The following BCL11B variants were observed in gnomAD, a reference collection of about 807,000 sequenced individuals.
The protein encoded by BCL11B is B-cell lymphoma/leukemia 11B.
A neutral mutation model predicts 49.9 loss-of-function variants in BCL11B; 8 were observed. The observed-to-expected ratio is 0.16, with a 90% CI of 0.09 to 0.29. The LOEUF (loss-of-function observed/expected upper bound fraction) is 0.29. Ranked by LOEUF, BCL11B falls within the 10% of genes least tolerant of loss-of-function variation. The pLI is 1.00. For synonymous variants in BCL11B, 739 were observed against 637.4 expected (o/e 1.16, Z -2.40); for missense variants, 1,006 against 1,351.0 (o/e 0.74, Z 4.00).
Position 99,271,288 on chromosome 14 carries a change from A to AGCCGCCGCCGCGCC in BCL11B, c.-84_-71dup. 9.1e-7 allele frequency: 1 copy of AGCCGCCGCCGCGCC among 1,095,254 alleles called. No individual in the cohort carries two copies. The highest frequency in any genetic ancestry group is 1.2e-6 in the Non-Finnish European group (1 of 866,888). 67.8% of individuals were successfully genotyped at this position (1,095,254 alleles called of 1,614,324 possible). On this transcript the variant is annotated 5_prime_UTR_variant, in exon 1 of 4. Transcript: ENST00000357195. ...GGGGGGAGCCGGGGGAGGGGGTCCGAGCCGCCGCCGCGCCGCTGCCGCCGC... is the reference window on the plus strand; with the variant it reads ...GGGGGGAGCCGGGGGAGGGGGTCCGAGCCGCCGCCGCGCCGCCGCCGCCGCGCCGCTGCCGCCGC...
intron 3 of BCL11B, among the ~76,000 whole-genome samples, chr14:99,189,069 A>T (rs950183576): frequency 1.3e-5 from 2 of 152,246 alleles, no homozygotes; most frequent in African/African-American, 2.4e-5. Flanking sequence ...GCCGACGCAG[A>T]TGGCAAATAA....
intron 3 of BCL11B, among the ~76,000 whole-genome samples, chr14:99,208,514 A>T (rs1887598404): frequency 6.6e-6 from 1 of 152,222 alleles, no homozygotes; most frequent in Non-Finnish European, 1.5e-5. Flanking sequence ...CGCTAAAGTA[A>T]TAAAAGGGCC....
intron 2 of BCL11B, among the ~76,000 whole-genome samples, chr14:99,256,363 A>G (rs1442826466): frequency 6.6e-6 from 1 of 152,198 alleles, no homozygotes; most frequent in Non-Finnish European, 1.5e-5. Context: ...TCTAATCCTC[A>G]CACCAGGCCT....
chr14:99,206,766 T>C (rs1336065170), intron 3 of BCL11B, among the ~76,000 whole-genome samples: 1 of 152,236 alleles, frequency 6.6e-6, no homozygotes, highest in East Asian at 1.9e-4. Context: ...AACTTTATCA[T>C]AGGTATGTGT....
chr14:99,201,765 C>T (rs533292181), intron 3 of BCL11B, among the ~76,000 whole-genome samples: 1 of 152,326 alleles, frequency 6.6e-6, no homozygotes, highest in Admixed American at 6.5e-5. Flanking sequence ...ATGTCTTTGC[C>T]TCCTTCACTT....
chr14:99,187,419 G>C (rs1456367079), intron 3 of BCL11B, among the ~76,000 whole-genome samples: 1 of 152,194 alleles, frequency 6.6e-6, no homozygotes. Context: ...AGAGTCCCTT[G>C]AAATCTGCTT....
chr14:99,231,614 C>T lies in BCL11B; in HGVS notation c.428-57G>A. 1 of 1,487,882 alleles carries T rather than the reference C, an allele frequency of 6.7e-7. No homozygotes were observed. The highest frequency in any genetic ancestry group is 9.1e-7 in the Non-Finnish European group (1 of 1,095,148). 92.2% of individuals were successfully genotyped at this position (1,487,882 alleles called of 1,614,324 possible). A position where few individuals can be genotyped will look rare whatever the true frequency, so the allele number is the denominator to read the frequency against. On this transcript the variant is annotated intron_variant, in intron 2 of 3. Transcript: ENST00000357195. The surrounding 1 kb of genome is among the most constrained non-coding windows in gnomAD (Gnocchi z 8.1). ...GTCGGGCCCTGGACTGTGTGAGGGG[C>T]ACGGGGTGGGACGGGGCTCGGGGCG...
intron 3 of BCL11B, among the ~76,000 whole-genome samples, chr14:99,193,195 A>G (rs896503840): frequency 2.0e-5 from 3 of 152,196 alleles, no homozygotes; most frequent in Admixed American, 6.5e-5. Context: ...CAACTGGCTC[A>G]TCACCACTGT....
rs1566804422 is a variant in BCL11B, at chr14:99,195,769, C to T, written c.641-19574G>A. 6.6e-6 allele frequency among the ~76,000 whole-genome samples: 1 copy of T among 152,152 alleles called. No individual in the cohort carries two copies. The highest frequency in any genetic ancestry group is 1.5e-5 in the Non-Finnish European group (1 of 68,038). ...AGTGGGAGCCTCGTCCCAGTCATTC[C>T]TGTCACCCTTCACCACCCAACACCA... On this transcript the variant is annotated intron_variant, in intron 3 of 3. Coordinates refer to ENST00000357195, the MANE Select transcript of BCL11B (RefSeq NM_138576.4). This position sits in a 1 kb window ranked among gnomAD's most constrained non-coding sequence, Gnocchi z 4.7.
At chr14:99,240,225 T>C (rs1888622012) in intron 2 of BCL11B, among the ~76,000 whole-genome samples, 1 of 152,198 alleles carries the variant, frequency 6.6e-6, no homozygotes, top group South Asian at 2.1e-4. Context: ...AGAAATCAAA[T>C]TGTAAAAAGG....
chr14:99,175,923 AGCCCGGGTGGTCCCGCAGGATGGG>A lies in BCL11B; in HGVS notation c.889_912del (p.Pro297_Gly304del). ...GTGCCCGGCAGGCGGCCCTCGCCGA[AGCCCGGGTGGTCCCGCAGGATGGG>A]GCCCGTCATGCGCAGCAGGTTGAAG... On this transcript the variant is annotated inframe_deletion, in exon 4 of 4. Coordinates refer to ENST00000357195, the MANE Select transcript of BCL11B (RefSeq NM_138576.4). 6.9e-7 allele frequency: 1 copy of A among 1,446,456 alleles called. No individual in the cohort carries two copies. The highest frequency in any genetic ancestry group is 9.1e-7 in the Non-Finnish European group (1 of 1,101,676). The allele number at this position is 1,446,456 out of a possible 1,614,324, so 89.6% of individuals were successfully genotyped here.
chr14:99,199,679 T>C (rs8017457), intron 3 of BCL11B, among the ~76,000 whole-genome samples: 9,887 of 69,264 alleles, frequency 0.14, 396 homozygotes, highest in Non-Finnish European at 0.19. Context: ...TGTGTGTGTG[T>C]GTGTGCGCGC....
Position 99,192,036 on chromosome 14 carries a change from G to A in BCL11B, c.641-15841C>T, listed in dbSNP as rs949932143. Reference sequence around the variant, plus strand: ...TACATAAAAAGTACAATTAAGGGACGCTCAGAATCCCGAGGCCTTCAAGAA... The same window carrying A: ...TACATAAAAAGTACAATTAAGGGACACTCAGAATCCCGAGGCCTTCAAGAA... On this transcript the variant is annotated intron_variant, in intron 3 of 3. Coordinates refer to ENST00000357195, the MANE Select transcript of BCL11B (RefSeq NM_138576.4). This position sits in a 1 kb window ranked among gnomAD's most constrained non-coding sequence, Gnocchi z 4.0. Among the ~76,000 whole-genome samples, 2 of 152,188 alleles carry A rather than the reference G, an allele frequency of 1.3e-5. No homozygotes were observed. The highest frequency in any genetic ancestry group is 2.9e-5 in the Non-Finnish European group (2 of 68,014).
At chr14:99,239,592 C>T (rs1008930872) in intron 2 of BCL11B, among the ~76,000 whole-genome samples, 2 of 152,150 alleles carry the variant, frequency 1.3e-5, no homozygotes, top group African/African-American at 2.4e-5. Flanking sequence ...AGGCAAAAAC[C>T]AGGAAACTCA....
At chr14:99,244,350 C>T (rs17098461) in intron 2 of BCL11B, among the ~76,000 whole-genome samples, 12,583 of 151,968 alleles carry the variant, frequency 0.083, 1,374 homozygotes, top group African/African-American at 0.25. Flanking sequence ...ATGTACATCC[C>T]TTTAAATGAA....
chr14:99,196,489 C>T (rs1412357276), intron 3 of BCL11B, among the ~76,000 whole-genome samples: 3 of 151,950 alleles, frequency 2.0e-5, no homozygotes, highest in Non-Finnish European at 1.5e-5. Context: ...GAGATAGCTC[C>T]GTGTCCCCAA....
In BCL11B at chr14:99,229,337, G is replaced by A. The variant is rs531045695; in HGVS notation, c.640+2008C>T. Among the ~76,000 whole-genome samples the A allele has an allele frequency of 3.9e-5, 6 of 152,270 alleles. No individual in the cohort carries two copies. The South Asian group carries it at 1.2e-3, about 32-fold the overall frequency. The stretch of plus-strand genomic sequence containing the variant: ...ACACAGTCCTCATAAGGATCCTAGT[G>A]GCATGTATGAGGACTTGCTGATGGC... On this transcript the variant is annotated intron_variant, in intron 3 of 3. Transcript: ENST00000357195.
chr14:99,187,270 G>A (rs375752247), intron 3 of BCL11B, among the ~76,000 whole-genome samples: 17 of 152,318 alleles, frequency 1.1e-4, no homozygotes, highest in African/African-American at 3.8e-4. Context: ...GGGGCAGGAC[G>A]CACAGAGCAA....
Position 99,247,443 on chromosome 14 carries a change from T to C in BCL11B, c.427+10028A>G, listed in dbSNP as rs984954289. Reference sequence around the variant, plus strand: ...GGGAGTCACTGAAGGTTTGTCCCATTTTCTCCCGAACAGAGAAGAATTCAG... The same window carrying C: ...GGGAGTCACTGAAGGTTTGTCCCATCTTCTCCCGAACAGAGAAGAATTCAG... On this transcript the variant is annotated intron_variant, in intron 2 of 3. Coordinates refer to ENST00000357195, the MANE Select transcript of BCL11B (RefSeq NM_138576.4). The surrounding 1 kb of genome is among the most constrained non-coding windows in gnomAD (Gnocchi z 4.5). Among the ~76,000 whole-genome samples, 21 of 152,118 alleles carry C rather than the reference T, an allele frequency of 1.4e-4. No homozygotes were observed. The highest frequency in any genetic ancestry group is 4.6e-4 in the Admixed American group (7 of 15,282).
Sources: allele counts gnomAD v4.1 joint callset (sites outside exome capture counted in the v4.1 genomes callset), GRCh38; gene constraint gnomAD v4.1.1; non-coding constraint Gnocchi (gnomAD v3.1); transcripts MANE v1.5; gene names NCBI Gene and HGNC (gene_info 2026-07-23, HGNC 2026-07-21).